TMEM258: variants seen among roughly 807,000 people sequenced by gnomAD.
TMEM258 encodes transmembrane protein 258, also known as dolichyl-diphosphooligosaccharide--protein glycosyltransferase subunit TMEM258.
Under a neutral mutation model 9.9 loss-of-function variants are expected in TMEM258, and 11 were observed. That is an observed-to-expected ratio of 1.11 (90% CI 0.70 to 1.85). TMEM258 has a LOEUF of 1.85. TMEM258 is among the 40% of genes most tolerant of loss of function. The pLI, the probability that TMEM258 is intolerant of heterozygous loss-of-function variation, is 0.00. For synonymous variants in TMEM258, 40 were observed against 39.1 expected (o/e 1.02, Z -0.09); for missense variants, 81 against 99.7 (o/e 0.81, Z 0.80).
chr11:61,790,194 C>T, intron 2 of TMEM258: 1 of 567,246 alleles, frequency 1.8e-6, no homozygotes, highest in South Asian at 2.1e-5. Context: ...CTCCTGACAC[C>T]TGAGTGCACC....
chr11:61,790,695 GAA>G, intron 1 of TMEM258, 93 bp from the exon 2 acceptor site: 1 of 1,083,840 alleles, frequency 9.2e-7, no homozygotes, highest in South Asian at 1.6e-5. Context: ...GTGCTGCCGT[GAA>G]ACAGAGGCTG....
At chr11:61,790,442 A>G in intron 2 of TMEM258, 51 bp downstream of exon 2, 22 of 1,549,908 alleles carry the variant, frequency 1.4e-5, no homozygotes, top group Non-Finnish European at 1.9e-5. Context: ...TTTCTCCCTG[A>G]GCTTCCCACA....
chr11:61,792,389 G>A lies in TMEM258; in HGVS notation c.3+167C>T, dbSNP rs1218542866. 5.5e-6 allele frequency: 5 copies of A among 902,642 alleles called. No individual in the cohort carries two copies. In the South Asian group the frequency reaches 5.8e-5, roughly 10 times the overall value. The allele number at this position is 902,642 out of a possible 1,614,324, so 55.9% of individuals were successfully genotyped here. On this transcript the variant is annotated intron_variant, in intron 1 of 3. Coordinates refer to ENST00000537328, the MANE Select transcript of TMEM258 (RefSeq NM_014206.4). The stretch of plus-strand genomic sequence containing the variant: ...GAAATCGCGAGCTGAGAAACCTAAG[G>A]AGTTCATGGCAAGGGGCTTCCCCCT...
At chr11:61,792,354 C>T (rs894800396) in intron 1 of TMEM258, 1 of 650,292 alleles carries the variant, frequency 1.5e-6, no homozygotes. Flanking sequence ...CCCCACGCCT[C>T]TCGCCCTTAG....
chr11:61,790,613 G>A lies in TMEM258; in HGVS notation c.4-11C>T, dbSNP rs763461266. Reference sequence around the variant, plus strand: ...CATGGCCTCGAGCTCCTAGAGGAGGGAAAGAGATCAGAGCTATCAAAGAAT... The same window carrying A: ...CATGGCCTCGAGCTCCTAGAGGAGGAAAAGAGATCAGAGCTATCAAAGAAT... On this transcript the variant is annotated splice_polypyrimidine_tract_variant and intron_variant, in intron 1 of 3. Coordinates refer to ENST00000537328, the MANE Select transcript of TMEM258 (RefSeq NM_014206.4). 6.2e-7 allele frequency: 1 copy of A among 1,608,436 alleles called. No homozygotes were observed. The highest frequency in any genetic ancestry group is 1.3e-5 in the African/African-American group (1 of 74,866).
At chr11:61,790,649 C>T in intron 1 of TMEM258, 47 bp from the exon 2 acceptor site, 1 of 1,534,800 alleles carries the variant, frequency 6.5e-7, no homozygotes. Context: ...CCCACGATTT[C>T]AGCCTGGAGA....
chr11:61,791,986 A>G (rs2066787911), intron 1 of TMEM258: 1 of 152,674 alleles, frequency 6.5e-6, no homozygotes, highest in African/African-American at 2.4e-5. Flanking sequence ...CTTCCCCCAA[A>G]ATGATAAAGA....
chr11:61,792,475 G>C, intron 1 of TMEM258, 81 bp downstream of exon 1: 1 of 1,596,350 alleles, frequency 6.3e-7, no homozygotes, highest in Non-Finnish European at 8.6e-7. Flanking sequence ...GATCTCCGGC[G>C]TCTGAGGAGA....
chr11:61,792,260 C>G, intron 1 of TMEM258: 1 of 473,350 alleles, frequency 2.1e-6, no homozygotes, highest in Non-Finnish European at 3.9e-6. Flanking sequence ...AGGATGGGCA[C>G]GGGTTCGGCA....
At chr11:61,792,362 T>C (rs2066790713) in intron 1 of TMEM258, 194 bp downstream of exon 1, 2 of 689,308 alleles carry the variant, frequency 2.9e-6, no homozygotes, top group South Asian at 3.4e-5. Context: ...CTCTCGCCCT[T>C]AGAAATCGCG....
At chr11:61,789,988 A>C in intron 2 of TMEM258, 67 bp from the exon 3 acceptor site, 1 of 1,547,216 alleles carries the variant, frequency 6.5e-7, no homozygotes, top group Non-Finnish European at 8.7e-7. Flanking sequence ...AGCCCACGGC[A>C]ATCTGAGGAG....
At position 61,792,519 on chromosome 11, in the gene TMEM258, T is replaced by C. The variant is rs554037437; in HGVS notation, c.3+37A>G. 7 of 1,613,908 alleles carry C rather than the reference T, an allele frequency of 4.3e-6. No individual in the cohort carries two copies. The African/African-American group carries it at 5.3e-5, about 12-fold the overall frequency. On this transcript the variant is annotated intron_variant, in intron 1 of 3. Coordinates refer to ENST00000537328, the MANE Select transcript of TMEM258 (RefSeq NM_014206.4). ...GTGTGGGTCAGACCCCGAGGGGTCC[T>C]CGCATCTCCGTCTGGAACTCCCCTC...
intron 2 of TMEM258, 132 bp downstream of exon 2, chr11:61,790,361 C>G: frequency 1.2e-6 from 1 of 812,936 alleles, no homozygotes; most frequent in African/African-American, 1.7e-5. Context: ...CACTAGCCCT[C>G]CTCTCCTCCT....
At chr11:61,790,910 G>A (rs191008989) in intron 1 of TMEM258, among the ~76,000 whole-genome samples, 1 of 152,238 alleles carries the variant, frequency 6.6e-6, no homozygotes, top group East Asian at 1.9e-4. Flanking sequence ...CCCGCTATAA[G>A]TCACTGACTG....
At chr11:61,790,702 A>G (rs1217578409) in intron 1 of TMEM258, 100 bp from the exon 2 acceptor site, 2 of 1,036,602 alleles carry the variant, frequency 1.9e-6, no homozygotes, top group Admixed American at 5.2e-5. Context: ...CGTGAAACAG[A>G]GGCTGATTTT....
rs551180677 is a variant in TMEM258 at position 61,790,608 on chromosome 11, G to A, written c.4-6C>T. On this transcript the variant is annotated splice_region_variant and splice_polypyrimidine_tract_variant and intron_variant, in intron 1 of 3. Transcript: ENST00000537328. Reference sequence around the variant, plus strand: ...CTGCTCATGGCCTCGAGCTCCTAGAGGAGGGAAAGAGATCAGAGCTATCAA... The same window carrying A: ...CTGCTCATGGCCTCGAGCTCCTAGAAGAGGGAAAGAGATCAGAGCTATCAA... The A allele has an allele frequency of 8.7e-4, 1,398 of 1,611,394 alleles. 24 individuals are homozygous for A. The South Asian group carries it at 0.014, about 17-fold the overall frequency.
Position 61,789,105 on chromosome 11 carries a change from C to T in TMEM258, c.*141G>A, listed in dbSNP as rs1195756784. 1 of 152,724 alleles carries T rather than the reference C, an allele frequency of 6.5e-6. No individual in the cohort carries two copies. Among genetic ancestry groups the T allele is most frequent in the East Asian group, 1.9e-4 (1 of 5,332 alleles). 9.5% of individuals were successfully genotyped at this position (152,724 alleles called of 1,614,324 possible). ...ATGTAGGTCCCAGCACCCACCACCC[C>T]TGCAGAATGGGCCCCAGACAGGACT... is the stretch of plus-strand genomic sequence containing the variant. On this transcript the variant is annotated 3_prime_UTR_variant, in exon 4 of 4. Transcript: ENST00000537328.
chr11:61,791,449 A>G (rs1473284870), intron 1 of TMEM258: 1 of 151,740 alleles, frequency 6.6e-6, no homozygotes, highest in African/African-American at 2.4e-5. Flanking sequence ...TTTTTAGGAG[A>G]GACAGGGTTT....
chr11:61,792,584 G>A lies in TMEM258; in HGVS notation c.-26C>T, dbSNP rs772324641. 6.2e-7 allele frequency: 1 copy of A among 1,613,460 alleles called. No homozygotes were observed. The highest frequency in any genetic ancestry group is 2.2e-5 in the East Asian group (1 of 44,874). On this transcript the variant is annotated 5_prime_UTR_variant, in exon 1 of 4. Coordinates refer to ENST00000537328, the MANE Select transcript of TMEM258 (RefSeq NM_014206.4). ...TTTGCCCCGCGAAGGCTAATCCGCC[G>A]CTCCGCCACCGGAAGAACACGTCGG...
Sources: allele counts gnomAD v4.1 joint callset (sites outside exome capture counted in the v4.1 genomes callset), GRCh38; gene constraint gnomAD v4.1.1; transcripts MANE v1.5; gene names NCBI Gene and HGNC (gene_info 2026-07-23, HGNC 2026-07-21).